Variants in MYLK observed in about 807,000 individuals in gnomAD.
The protein encoded by MYLK is myosin light chain kinase, smooth muscle.
Under a neutral mutation model 203.4 loss-of-function variants are expected in MYLK, and 106 were observed. The observed-to-expected ratio is 0.52, with a 90% CI of 0.45 to 0.61. The LOEUF (loss-of-function observed/expected upper bound fraction) is 0.61, where lower values mean the gene tolerates loss of function less well. MYLK is among the 20% of genes least tolerant of loss of function. The pLI, the probability that MYLK is intolerant of heterozygous loss-of-function variation, is 0.00. For missense variants in MYLK, 2,072 were observed against 2,442.3 expected (o/e 0.85, Z 3.20); for synonymous variants, 867 against 959.5 (o/e 0.90, Z 1.78).
At chr3:123,728,322 C>A (rs2062361436) in intron 11 of MYLK, among the ~76,000 whole-genome samples, 1 of 152,054 alleles carries the variant, frequency 6.6e-6, no homozygotes, top group Non-Finnish European at 1.5e-5. Context: ...GGAAACATAG[C>A]AAGACTCTTG....
At chr3:123,877,450 T>C (rs571465871) in intron 1 of MYLK, among the ~76,000 whole-genome samples, 2 of 152,114 alleles carry the variant, frequency 1.3e-5, no homozygotes, top group East Asian at 1.9e-4. Flanking sequence ...CAGGAAAAAA[T>C]AGTAATATCA....
At chr3:123,653,252 C>CA (rs2108238760) in intron 24 of MYLK, among the ~76,000 whole-genome samples, 1 of 152,278 alleles carries the variant, frequency 6.6e-6, no homozygotes, top group East Asian at 1.9e-4. Context: ...CACACACACA[C>CA]ACGTGCGTGA....
chr3:123,778,436 C>A (rs1280236308), intron 4 of MYLK, among the ~76,000 whole-genome samples: 1 of 151,496 alleles, frequency 6.6e-6, no homozygotes, highest in Non-Finnish European at 1.5e-5. Context: ...TGGCGTGAAC[C>A]CGGGAGGTGG....
At chr3:123,697,055 C>G (rs948837978) in intron 18 of MYLK, among the ~76,000 whole-genome samples, 7 of 152,258 alleles carry the variant, frequency 4.6e-5, no homozygotes, top group Non-Finnish European at 8.8e-5. Flanking sequence ...CCTCCCGACA[C>G]ACTCATAGCA....
At chr3:123,761,160 C>G (rs1195429274) in intron 4 of MYLK, among the ~76,000 whole-genome samples, 1 of 152,180 alleles carries the variant, frequency 6.6e-6, no homozygotes, top group Non-Finnish European at 1.5e-5. Context: ...GAGACTATAA[C>G]CCCTCCATCA....
At chr3:123,852,271 G>GGAGGATTCCCTCTT (rs1300319461) in intron 2 of MYLK, among the ~76,000 whole-genome samples, 4 of 152,128 alleles carry the variant, frequency 2.6e-5, no homozygotes, top group Non-Finnish European at 4.4e-5. Flanking sequence ...AATGAGTTAG[G>GGAGGATTCCCTCTT]GAGGATTCCC....
At chr3:123,860,177 G>C (rs1393806804) in intron 2 of MYLK, among the ~76,000 whole-genome samples, 2 of 152,204 alleles carry the variant, frequency 1.3e-5, no homozygotes, top group East Asian at 3.9e-4. Flanking sequence ...TGATTCTGCA[G>C]ACAGCAGAGC....
chr3:123,714,599 G>A (rs1184065537), intron 13 of MYLK, among the ~76,000 whole-genome samples: 1 of 152,090 alleles, frequency 6.6e-6, no homozygotes, highest in Non-Finnish European at 1.5e-5. Flanking sequence ...AGCTCAAATG[G>A]GGCCAAACTA....
intron 4 of MYLK, among the ~76,000 whole-genome samples, chr3:123,782,722 G>A (rs906116541): frequency 9.2e-5 from 14 of 152,116 alleles, no homozygotes; most frequent in African/African-American, 3.4e-4. Context: ...GCAGACAGTC[G>A]AGATAATTGG....
At chr3:123,710,023 AAG>A in intron 13 of MYLK, 130 bp from the exon 14 acceptor site, 1 of 1,237,060 alleles carries the variant, frequency 8.1e-7, no homozygotes, top group Non-Finnish European at 1.2e-6. Context: ...CTAACAGATA[AAG>A]AGTGTTTGGA....
chr3:123,852,664 T>C (rs533980686), intron 2 of MYLK, among the ~76,000 whole-genome samples: 1 of 152,286 alleles, frequency 6.6e-6, no homozygotes, highest in African/African-American at 2.4e-5. Flanking sequence ...ATTTTGCTGA[T>C]CTTTTCAAAA....
chr3:123,639,397 T>C (rs754203854), intron 28 of MYLK, among the ~76,000 whole-genome samples: 1 of 152,330 alleles, frequency 6.6e-6, no homozygotes, highest in Admixed American at 6.5e-5. Flanking sequence ...GAGACATTTA[T>C]TGGGTGGCAT....
chr3:123,835,373 T>C (rs1172540808), intron 2 of MYLK, among the ~76,000 whole-genome samples: 2 of 152,108 alleles, frequency 1.3e-5, no homozygotes, highest in Non-Finnish European at 2.9e-5. Context: ...GAGTTTCTAT[T>C]AGGCTCAGAG....
At chr3:123,763,067 A>C (rs573862201) in intron 4 of MYLK, among the ~76,000 whole-genome samples, 1 of 152,336 alleles carries the variant, frequency 6.6e-6, no homozygotes, top group South Asian at 2.1e-4. Flanking sequence ...CATGACAAAA[A>C]TTGTGGTCTT....
intron 29 of MYLK, chr3:123,630,472 A>G (rs541473852): frequency 6.6e-6 from 1 of 152,316 alleles, no homozygotes; most frequent in African/African-American, 2.4e-5. Flanking sequence ...TGATGCAAGT[A>G]ATTCTTATAA....
At chr3:123,761,506 G>A (rs536261563) in intron 4 of MYLK, among the ~76,000 whole-genome samples, 1 of 152,294 alleles carries the variant, frequency 6.6e-6, no homozygotes, top group Admixed American at 6.5e-5. Flanking sequence ...GTGGCCAGGA[G>A]AGCATCTCTT....
intron 29 of MYLK, among the ~76,000 whole-genome samples, chr3:123,635,607 A>G (rs2058614478): frequency 1.3e-5 from 2 of 152,178 alleles, no homozygotes; most frequent in Non-Finnish European, 2.9e-5. Context: ...CCCCATTTCC[A>G]AAACTCTGCC....
At chr3:123,683,036 G>A (rs949842926) in intron 19 of MYLK, among the ~76,000 whole-genome samples, 3 of 36,434 alleles carry the variant, frequency 8.2e-5, no homozygotes, top group Non-Finnish European at 2.1e-4. Context: ...CAAGCAGGGC[G>A]ACATCACTTG....
chr3:123,663,819 C>T (rs2059645379), intron 23 of MYLK, among the ~76,000 whole-genome samples: 1 of 152,130 alleles, frequency 6.6e-6, no homozygotes, highest in Admixed American at 6.5e-5. Flanking sequence ...GATGCCAAGG[C>T]CTGAGGGCGG....
Sources: allele counts gnomAD v4.1 joint callset (sites outside exome capture counted in the v4.1 genomes callset), GRCh38; gene constraint gnomAD v4.1.1; transcripts MANE v1.5; gene names NCBI Gene and HGNC (gene_info 2026-07-23, HGNC 2026-07-21).